Variants in RRP8 observed in about 807,000 individuals in gnomAD.
RRP8 encodes the protein ribosomal RNA processing 8, also known as ribosomal RNA-processing protein 8.
RRP8 carries 48 observed loss-of-function variants against 45.0 expected under a neutral mutation model. The ratio of observed to expected loss-of-function variants is 1.07; its 90% CI spans 0.85 to 1.36. RRP8 has a LOEUF of 1.36. Ranked by LOEUF, RRP8 falls within the 40% of genes most tolerant of loss-of-function variation. RRP8 has a pLI of 0.00. For missense variants in RRP8, 658 were observed against 573.7 expected, an observed-to-expected ratio of 1.15 and a Z score of -1.50; for synonymous variants, 274 against 212.4, an observed-to-expected ratio of 1.29 and a Z score of -2.52.
At position 6,595,615 on chromosome 11, in the gene RRP8, A is replaced by G. The variant is rs551307535; in HGVS notation, c.*4531T>C. The G allele has an allele frequency of 6.6e-6, 1 of 152,352 alleles. No homozygotes were observed. The highest frequency in any genetic ancestry group is 1.5e-5 in the Non-Finnish European group (1 of 68,034). The allele number at this position is 152,352 out of a possible 1,614,324, so 9.4% of individuals were successfully genotyped here. On this transcript the variant is annotated 3_prime_UTR_variant, in exon 7 of 7. Transcript: ENST00000254605. ...ACAGTCACAATGACGGATTTAAAAA[A>G]AAAAGAGTATCTCAACTTCCTATTG...
At chr11:6,601,637 C>G (rs146746831) in intron 2 of RRP8, 35 bp from the exon 3 acceptor site, 26 of 1,562,486 alleles carry the variant, frequency 1.7e-5, no homozygotes, top group Non-Finnish European at 6.9e-6. Flanking sequence ...GCACATGAGG[C>G]AAGATCTCTT....
At position 6,596,079 on chromosome 11, in the gene RRP8, TCA is replaced by T. The variant is rs1325387886; in HGVS notation, c.*4065_*4066del. 1.3e-5 allele frequency: 2 copies of T among 152,224 alleles called. No individual in the cohort carries two copies. The highest frequency in any genetic ancestry group is 2.9e-5 in the Non-Finnish European group (2 of 68,042). The allele number at this position is 152,224 out of a possible 1,614,324, so 9.4% of individuals were successfully genotyped here. A position where few individuals can be genotyped will look rare whatever the true frequency, so the allele number is the denominator to read the frequency against. On this transcript the variant is annotated 3_prime_UTR_variant, in exon 7 of 7. Coordinates refer to ENST00000254605, the MANE Select transcript of RRP8 (RefSeq NM_015324.4). ...TCTAGTATTGAAACATCACTTCCAC[TCA>T]TTTTCCACTGTTGAGAACTACTCAC...
Position 6,600,017 on chromosome 11 carries a change from T to G in RRP8, c.*129A>C. Reference sequence around the variant, plus strand: ...CAGTAGAGCAAGTCTGAGCCAGAGGTTTTATCACACTTTGTCCTCAGGGTC... The same window carrying G: ...CAGTAGAGCAAGTCTGAGCCAGAGGGTTTATCACACTTTGTCCTCAGGGTC... On this transcript the variant is annotated 3_prime_UTR_variant, in exon 7 of 7. Coordinates refer to ENST00000254605, the MANE Select transcript of RRP8 (RefSeq NM_015324.4). 1 of 574,784 alleles carries G rather than the reference T, an allele frequency of 1.7e-6. No individual in the cohort carries two copies. Among genetic ancestry groups the G allele is most frequent in the Non-Finnish European group, 3.0e-6 (1 of 335,754 alleles). 35.6% of individuals were successfully genotyped at this position (574,784 alleles called of 1,614,324 possible).
chr11:6,600,171 T>G lies in RRP8; in HGVS notation c.1346A>C (p.Gln449Pro), dbSNP rs1854305753. The change falls in exon 7 of 7, where the codon CAG becomes CCG. Residue 449 changes from glutamine (Q) to proline (P), a missense_variant. Gln to Pro is a moderately conservative substitution (Grantham distance 76). Coordinates refer to ENST00000254605, the MANE Select transcript of RRP8 (RefSeq NM_015324.4). ...TCACCTGCGCTTGTAGAGACATGGC[T>G]GAAGCTGCAGGCCTGAAAGCTGAGC... is the stretch of plus-strand genomic sequence containing the variant. Reference protein sequence around the residue: ...PKAQLSGLQLQPCLYKRR With the variant: ...PKAQLSGLQLPPCLYKRR The G allele has an allele frequency of 6.2e-7, 1 of 1,600,772 alleles. No individual in the cohort carries two copies. The highest frequency in any genetic ancestry group is 1.8e-5 in the Admixed American group (1 of 56,284).
rs539994234 is a variant in RRP8, at chr11:6,601,282, G to T, written c.784C>A (p.Pro262Thr). The T allele has an allele frequency of 3.1e-6, 5 of 1,612,890 alleles. No individual in the cohort carries two copies. Among genetic ancestry groups the T allele is most frequent in the Middle Eastern group, 1.6e-4 (1 of 6,062 alleles). ...AAGAGACGCTGTGCAGCACTGCTGG[G>T]CCCTGAGTACAACTGTTCATTGAGG... The part of the protein sequence containing the change: ...RYLNEQLYSG[P>T]SSAAQRLFQE... Residue 262 changes from proline to threonine, a missense_variant, in exon 3 of 7, where the codon CCC becomes ACC. Physicochemically the swap from Pro to Thr is conservative, Grantham distance 38. Coordinates refer to ENST00000254605, the MANE Select transcript of RRP8 (RefSeq NM_015324.4).
At chr11:6,603,139 ACT>A (rs1160430943) in intron 1 of RRP8, among the ~76,000 whole-genome samples, 1 of 152,148 alleles carries the variant, frequency 6.6e-6, no homozygotes, top group Non-Finnish European at 1.5e-5. Flanking sequence ...TGTGTTTGTG[ACT>A]CTGACAGAAC....
rs760862583 is a variant in RRP8 at position 6,600,814 on chromosome 11, A to G, written c.1048-39T>C. The G allele has an allele frequency of 5.0e-6, 8 of 1,604,738 alleles. 1 individual carries two copies. In the South Asian group the frequency reaches 8.8e-5, roughly 18 times the overall value. On this transcript the variant is annotated intron_variant, in intron 4 of 6. Transcript: ENST00000254605. The stretch of plus-strand genomic sequence containing the variant: ...GAGTGTTGTATAAGGCACACAGTGC[A>G]GAAGAAGAAAGCCAGCACTGAGATA...
At position 6,603,592 on chromosome 11, in the gene RRP8, A is replaced by C; in HGVS notation, c.-90T>G. ...AGTCGGAGCGCTCAGACCTGCCAGA[A>C]CCGACCCGGAAACCAAAGCGTGACA... On this transcript the variant is annotated 5_prime_UTR_variant, in exon 1 of 7. Transcript: ENST00000254605. 1 of 781,670 alleles carries C rather than the reference A, an allele frequency of 1.3e-6. No individual in the cohort carries two copies. Among genetic ancestry groups the C allele is most frequent in the Non-Finnish European group, 2.0e-6 (1 of 509,904 alleles). The allele number at this position is 781,670 out of a possible 1,614,324, so 48.4% of individuals were successfully genotyped here. A position where few individuals can be genotyped will look rare whatever the true frequency, so the allele number is the denominator to read the frequency against.
rs761576252 is a variant in RRP8, at chr11:6,602,081, C to T, written c.234G>A (p.Lys78=). Residue 78 remains lysine, a synonymous_variant, in exon 2 of 7, where the codon AAG becomes AAA. Coordinates refer to ENST00000254605, the MANE Select transcript of RRP8 (RefSeq NM_015324.4). ...CAGCAGAGGCACTGGCAAATGATGC[C>T]TTTTTGGGGCATTTCTTCTTCCTTT... ...EEERKKKCPK[K]ASFASASAEV... 6.2e-7 allele frequency: 1 copy of T among 1,613,522 alleles called. No homozygotes were observed. Among genetic ancestry groups the T allele is most frequent in the Admixed American group, 1.7e-5 (1 of 59,966 alleles).
Position 6,600,214 on chromosome 11 carries a change from G to C in RRP8, c.1303C>G (p.Pro435Ala), listed in dbSNP as rs1202462843. The C allele has an allele frequency of 6.2e-7, 1 of 1,607,512 alleles. No homozygotes were observed. The highest frequency in any genetic ancestry group is 8.5e-7 in the Non-Finnish European group (1 of 1,177,836). Residue 435 changes from proline to alanine, a missense_variant, in exon 7 of 7, where the codon CCT becomes GCT. Coordinates refer to ENST00000254605, the MANE Select transcript of RRP8 (RefSeq NM_015324.4). Reference sequence around the variant, plus strand: ...AGCTGAGCCTTGGGCCCTACCAGAGGGGGCCCAGTCTTTTGGAAATCAAAC... The same window carrying C: ...AGCTGAGCCTTGGGCCCTACCAGAGCGGGCCCAGTCTTTTGGAAATCAAAC... The part of the protein sequence containing the change: ...FLFDFQKTGP[P>A]LVGPKAQLSG...
Position 6,601,374 on chromosome 11 carries a change from T to C in RRP8, c.692A>G (p.His231Arg). The C allele has an allele frequency of 5.0e-6, 8 of 1,611,758 alleles. No homozygotes were observed. The highest frequency in any genetic ancestry group is 2.2e-5 in the East Asian group (1 of 44,880). The change falls in exon 3 of 7, where the codon CAT becomes CGT. Residue 231 changes from histidine to arginine, a missense_variant. Transcript: ENST00000254605. ...TCGCAAAGCCCCTGCCCGAGCCTCATGGCTGTCTGTCCTGGGAACAGGAGA... is the reference window on the plus strand; with the variant it reads ...TCGCAAAGCCCCTGCCCGAGCCTCACGGCTGTCTGTCCTGGGAACAGGAGA... ...EVSPVPRTDS[H>R]EARAGALRAR...
intron 6 of RRP8, 65 bp downstream of exon 6, chr11:6,600,421 A>G: frequency 6.7e-7 from 1 of 1,489,764 alleles, no homozygotes; most frequent in Non-Finnish European, 9.2e-7. Flanking sequence ...CTCCTTCCTG[A>G]ACACCAGTAC....
chr11:6,601,305 A>G lies in RRP8; in HGVS notation c.761T>C (p.Leu254Pro), dbSNP rs1483274971. The G allele has an allele frequency of 6.2e-7, 1 of 1,613,462 alleles. No homozygotes were observed. ...GGGCCCTGAGTACAACTGTTCATTG[A>G]GGTAGCGAAATCGGGCCCCATCCAG... is the stretch of plus-strand genomic sequence containing the variant. ...QRLDGARFRY[L>P]NEQLYSGPSS... Residue 254 changes from leucine to proline, a missense_variant, in exon 3 of 7, where the codon CTC becomes CCC. By Grantham distance (98) the Leu-to-Pro change is moderately conservative. Coordinates refer to ENST00000254605, the MANE Select transcript of RRP8 (RefSeq NM_015324.4).
rs923047720 is a variant in RRP8 at position 6,601,431 on chromosome 11, G to C, written c.635C>G (p.Pro212Arg). Residue 212 changes from proline to arginine, a missense_variant, in exon 3 of 7, where the codon CCA (proline) becomes CGA (arginine). Coordinates refer to ENST00000254605, the MANE Select transcript of RRP8 (RefSeq NM_015324.4). ...TGTCTTCTCTGTGGGGGCCTCAGCTGGGGCCTGGTCTGGCACCTGAGGTGG... is the reference window on the plus strand; with the variant it reads ...TGTCTTCTCTGTGGGGGCCTCAGCTCGGGCCTGGTCTGGCACCTGAGGTGG... ...FQPPQVPDQA[P>R]AEAPTEKTEV... 6.2e-7 allele frequency: 1 copy of C among 1,614,004 alleles called. No individual in the cohort carries two copies. The highest frequency in any genetic ancestry group is 1.3e-5 in the African/African-American group (1 of 74,938).
rs756684661 is a variant in RRP8 at position 6,600,581 on chromosome 11, C to A, written c.1156G>T (p.Gly386Cys). 2.5e-6 allele frequency: 4 copies of A among 1,613,872 alleles called. No homozygotes were observed. The highest frequency in any genetic ancestry group is 2.2e-5 in the East Asian group (1 of 44,890). ...EEANRVLKPG[G>C]LLKVAEVSSR... ...CTGACCTCAGCCACTTTCAGGAGAC[C>A]CCTGAGAAAGACAGAAAGTTCTGTG... The change falls in exon 6 of 7, where the codon GGT becomes TGT. Residue 386 changes from glycine to cysteine, a missense_variant and splice_region_variant. Transcript: ENST00000254605.
In RRP8 at chr11:6,602,206, G is replaced by A. The variant is rs769194976; in HGVS notation, c.109C>T (p.Arg37Cys). The A allele has an allele frequency of 2.3e-5, 35 of 1,553,560 alleles. 1 individual carries two copies. The highest frequency in any genetic ancestry group is 2.7e-5 in the Non-Finnish European group (31 of 1,154,088). ...AASSQNKGSK[R>C]RQLLATLRAL... ...CGTAATGTGGCCAAGAGCTGGCGGC[G>A]CTTGGAGCCCTGGAGGAAAACAGGG... is the stretch of plus-strand genomic sequence containing the variant. The change falls in exon 2 of 7, where the codon CGC (arginine) becomes TGC (cysteine). Residue 37 changes from arginine (R) to cysteine (C), a missense_variant. Coordinates refer to ENST00000254605, the MANE Select transcript of RRP8 (RefSeq NM_015324.4).
rs1854275362 is a variant in RRP8 at position 6,598,682 on chromosome 11, C to T, written c.*1464G>A. 6.6e-6 allele frequency: 1 copy of T among 152,212 alleles called. No homozygotes were observed. Among genetic ancestry groups the T allele is most frequent in the Non-Finnish European group, 1.5e-5 (1 of 68,048 alleles). 9.4% of individuals were successfully genotyped at this position (152,212 alleles called of 1,614,324 possible). On this transcript the variant is annotated 3_prime_UTR_variant, in exon 7 of 7. Transcript: ENST00000254605. Reference sequence around the variant, plus strand: ...GTGTAGAGGCACTGTGTAGTGCCTGCCTAATGATTCACAGCCCAGCCTCCA... The same window carrying T: ...GTGTAGAGGCACTGTGTAGTGCCTGTCTAATGATTCACAGCCCAGCCTCCA...
At position 6,599,646 on chromosome 11, in the gene RRP8, T is replaced by C. The variant is rs143004060; in HGVS notation, c.*500A>G. 6.6e-6 allele frequency: 1 copy of C among 152,344 alleles called. No individual in the cohort carries two copies. Among genetic ancestry groups the C allele is most frequent in the African/African-American group, 2.4e-5 (1 of 41,564 alleles). 9.4% of individuals were successfully genotyped at this position (152,344 alleles called of 1,614,324 possible). ...CAGACTGATGTCTTGAGCCAAGATG[T>C]TGGTGGACAACCAGTTGCCTCAGAG... On this transcript the variant is annotated 3_prime_UTR_variant, in exon 7 of 7. Coordinates refer to ENST00000254605, the MANE Select transcript of RRP8 (RefSeq NM_015324.4).
At chr11:6,602,435 G>A (rs193125715) in intron 1 of RRP8, among the ~76,000 whole-genome samples, 3 of 152,290 alleles carry the variant, frequency 2.0e-5, no homozygotes, top group South Asian at 2.1e-4. Flanking sequence ...ATGTGTAAAT[G>A]AGCTAATGGA....
Sources: allele counts gnomAD v4.1 joint callset (sites outside exome capture counted in the v4.1 genomes callset), GRCh38; gene constraint gnomAD v4.1.1; transcripts MANE v1.5; gene names NCBI Gene and HGNC (gene_info 2026-07-23, HGNC 2026-07-21).